DNAI4: variants seen among roughly 807,000 people sequenced by gnomAD.
DNAI4 encodes the protein dynein axonemal intermediate chain 4.
Under a neutral mutation model 105.8 loss-of-function variants are expected in DNAI4, and 85 were observed. The observed-to-expected ratio is 0.80, with a 90% CI of 0.67 to 0.96. DNAI4 has a LOEUF of 0.96. Among genes scored for constraint, DNAI4 ranks in the 40% least tolerant of loss-of-function variants. The pLI, the probability that DNAI4 is intolerant of heterozygous loss-of-function variation, is 0.00. For missense variants in DNAI4, 1,014 were observed against 1,005.6 expected (o/e 1.01, Z -0.11); for synonymous variants, 352 against 331.5 (o/e 1.06, Z -0.67).
chr1:66,862,406 T>C, intron 6 of DNAI4, 104 bp from the exon 7 acceptor site: 1 of 1,236,104 alleles, frequency 8.1e-7, no homozygotes, highest in Non-Finnish European at 1.1e-6. Context: ...GAATATCTAC[T>C]ATTGCCTGAT....
Position 66,875,438 on chromosome 1 carries a change from T to C in DNAI4, c.644-501A>G, listed in dbSNP as rs377205857. Among the ~76,000 whole-genome samples the C allele has an allele frequency of 4.0e-4, 61 of 152,314 alleles. No homozygotes were observed. The South Asian group carries it at 0.012, about 30-fold the overall frequency. ...TCTTCACCAGGGGTAAAGACTCTAC[T>C]ATATTAGTCCTGGTTGACTATAGAA... On this transcript the variant is annotated intron_variant, in intron 4 of 16. Transcript: ENST00000371026.
chr1:66,867,886 T>C (rs1646765696), intron 6 of DNAI4, among the ~76,000 whole-genome samples: 1 of 152,212 alleles, frequency 6.6e-6, no homozygotes, highest in African/African-American at 2.4e-5. Context: ...GGTTCTTATA[T>C]TTAATAGATC....
intron 7 of DNAI4, among the ~76,000 whole-genome samples, chr1:66,849,968 G>A (rs1646361417): frequency 6.6e-6 from 1 of 152,024 alleles, no homozygotes; most frequent in Non-Finnish European, 1.5e-5. Flanking sequence ...TCCGAGGATT[G>A]GAGGAACGGG....
chr1:66,881,985 C>G (rs1233257799), intron 4 of DNAI4, among the ~76,000 whole-genome samples: 1 of 152,078 alleles, frequency 6.6e-6, no homozygotes. Context: ...TGGGAGTTTC[C>G]CTGAACAACC....
chr1:66,916,651 G>A (rs190672006), intron 1 of DNAI4, among the ~76,000 whole-genome samples: 5 of 152,288 alleles, frequency 3.3e-5, no homozygotes, highest in Non-Finnish European at 7.3e-5. Flanking sequence ...GCACACTGAT[G>A]CAAGACCAGT....
chr1:66,887,054 T>C (rs866942215), intron 4 of DNAI4, among the ~76,000 whole-genome samples: 2 of 152,192 alleles, frequency 1.3e-5, no homozygotes, highest in African/African-American at 4.8e-5. Context: ...CTCAGATCTT[T>C]AGCTCAGATC....
intron 1 of DNAI4, among the ~76,000 whole-genome samples, chr1:66,913,121 C>G (rs759874434): frequency 9.9e-5 from 15 of 152,110 alleles, no homozygotes; most frequent in Non-Finnish European, 5.9e-5. Context: ...TTTTTTCTTT[C>G]CTGCTTCTAA....
intron 2 of DNAI4, among the ~76,000 whole-genome samples, chr1:66,899,017 C>T (rs1344083347): frequency 1.3e-5 from 2 of 152,142 alleles, no homozygotes; most frequent in African/African-American, 4.8e-5. Flanking sequence ...CATTGATGGA[C>T]ATTTGAGTTG....
chr1:66,895,188 T>C (rs1648208997), intron 2 of DNAI4, among the ~76,000 whole-genome samples: 1 of 152,252 alleles, frequency 6.6e-6, no homozygotes, highest in Non-Finnish European at 1.5e-5. Context: ...TTAAAATGTC[T>C]AATTTTTGGA....
intron 9 of DNAI4, among the ~76,000 whole-genome samples, chr1:66,839,366 G>A (rs145727044): frequency 3.2e-4 from 49 of 152,098 alleles, no homozygotes; most frequent in East Asian, 5.8e-4. Flanking sequence ...ACTTTACTTC[G>A]TTACAAAATA....
chr1:66,829,847 T>G (rs1408466411), intron 13 of DNAI4, among the ~76,000 whole-genome samples: 1 of 152,098 alleles, frequency 6.6e-6, no homozygotes, highest in East Asian at 1.9e-4. Context: ...ATTCACGGAG[T>G]TCAGTTTATA....
At chr1:66,895,047 C>CT (rs1324482056) in intron 2 of DNAI4, among the ~76,000 whole-genome samples, 1 of 152,026 alleles carries the variant, frequency 6.6e-6, no homozygotes, top group African/African-American at 2.4e-5. Context: ...TCTATATCTC[C>CT]TTTTGTTTTG....
chr1:66,844,032 C>T (rs1646211963), intron 8 of DNAI4, among the ~76,000 whole-genome samples: 1 of 133,976 alleles, frequency 7.5e-6, no homozygotes, highest in South Asian at 2.3e-4. Context: ...TGTCTATAAT[C>T]CCAGAGTGGG....
intron 3 of DNAI4, among the ~76,000 whole-genome samples, chr1:66,892,866 C>T (rs1431355198): frequency 6.7e-6 from 1 of 149,998 alleles, no homozygotes; most frequent in Admixed American, 6.7e-5. Context: ...CAAGATGGCA[C>T]CACTGTACTC....
rs763904134 is a variant in DNAI4, at chr1:66,924,740, C to G, written c.92G>C (p.Gly31Ala). ...GACCAGCTGGGGAGTGGTGCACCAC[C>G]CCTTTTTTTGGCCGCCTCTGAAGTC... ...YRDFRGGQKK[G>A]WCTTPQLVAT... is the part of the protein sequence containing the mutation. The change falls in exon 1 of 17, where the codon GGG becomes GCG. Residue 31 changes from glycine to alanine, a missense_variant. By Grantham distance (60) the Gly-to-Ala change is moderately conservative (BLOSUM62 0). Coordinates refer to ENST00000371026, the MANE Select transcript of DNAI4 (RefSeq NM_024763.5). 2 of 1,614,210 alleles carry G rather than the reference C, an allele frequency of 1.2e-6. No individual in the cohort carries two copies. Among genetic ancestry groups the G allele is most frequent in the Admixed American group, 1.7e-5 (1 of 60,028 alleles).
chr1:66,841,879 G>A (rs567560460), intron 8 of DNAI4, among the ~76,000 whole-genome samples: 1 of 152,240 alleles, frequency 6.6e-6, no homozygotes, highest in South Asian at 2.1e-4. Context: ...GCACAGTATT[G>A]TATATTCTAT....
intron 13 of DNAI4, among the ~76,000 whole-genome samples, chr1:66,832,865 A>C (rs1233771887): frequency 6.6e-6 from 1 of 152,210 alleles, no homozygotes; most frequent in African/African-American, 2.4e-5. Context: ...GGAGGACTTC[A>C]TTAACTGTGC....
chr1:66,874,718 A>G lies in DNAI4; in HGVS notation c.800+63T>C, dbSNP rs1646924789. ...CCAAGGACCCTTCACAGAAACAAGG[A>G]TAAGAACCCTTGGCTTAGCATTTGA... On this transcript the variant is annotated intron_variant, in intron 5 of 16. Coordinates refer to ENST00000371026, the MANE Select transcript of DNAI4 (RefSeq NM_024763.5). The G allele has an allele frequency of 7.2e-6, 11 of 1,534,804 alleles. No homozygotes were observed. In the Admixed American group the frequency reaches 1.0e-4, roughly 14 times the overall value.
intron 2 of DNAI4, among the ~76,000 whole-genome samples, chr1:66,904,277 A>G (rs1649071720): frequency 6.6e-6 from 1 of 152,134 alleles, no homozygotes; most frequent in South Asian, 2.1e-4. Flanking sequence ...GTATATTTTA[A>G]CATTTAATAA....
Sources: gnomAD v4.1 joint callset for allele counts (sites outside exome capture counted in the v4.1 genomes callset) on GRCh38, gnomAD v4.1.1 for gene constraint, MANE v1.5 for transcripts, NCBI Gene and HGNC (gene_info 2026-07-23, HGNC 2026-07-21) for gene names.